Variants in NTM observed in about 807,000 individuals in gnomAD.
NTM encodes the protein IgLON family member 2.
A neutral mutation model predicts 42.1 loss-of-function variants in NTM; 13 were observed. That is an observed-to-expected ratio of 0.31 (90% CI 0.20 to 0.49). The LOEUF is 0.49. Among genes scored for constraint, NTM ranks in the 20% least tolerant of loss-of-function variants. The probability of loss-of-function intolerance (pLI) is 0.99; values close to 1 mark genes in which losing one functional copy is unlikely to be tolerated. For missense variants in NTM, 373 were observed against 452.8 expected, an observed-to-expected ratio of 0.82 and a Z score of 1.60; for synonymous variants, 187 against 179.2, an observed-to-expected ratio of 1.04 and a Z score of -0.35.
At chr11:131,467,459 A>G (rs1431686883) in intron 1 of NTM, among the ~76,000 whole-genome samples, 3 of 152,196 alleles carry the variant, frequency 2.0e-5, no homozygotes, top group Non-Finnish European at 2.9e-5. Flanking sequence ...AAAAAATTCA[A>G]CTGCACTTCA....
chr11:131,371,185 A>T (rs1395062443), intron 1 of NTM: 1 of 752,766 alleles, frequency 1.3e-6, no homozygotes, highest in Admixed American at 6.2e-5. Flanking sequence ...TCTTGCACAC[A>T]TACACAACGG....
intron 2 of NTM, among the ~76,000 whole-genome samples, chr11:131,959,707 G>C (rs986029769): frequency 2.0e-5 from 3 of 152,170 alleles, no homozygotes; most frequent in African/African-American, 7.2e-5. Flanking sequence ...GACTGATCAA[G>C]GTTGGTAGCA....
At chr11:132,016,106 T>C (rs1026835426) in intron 2 of NTM, among the ~76,000 whole-genome samples, 39 of 151,938 alleles carry the variant, frequency 2.6e-4, no homozygotes, top group African/African-American at 9.4e-4. Flanking sequence ...TGAGAGTTTT[T>C]TTTTTTCACG....
In NTM at chr11:131,789,616, GA is replaced by G. The variant is rs552548729; in HGVS notation, c.83-121946del. Reference sequence around the variant, plus strand: ...AGAAGAAGAAGAAGAAGAAGAAGAAGAAGAAGAAGAAGAAGAAGAAAAGAAG... The same window carrying G: ...AGAAGAAGAAGAAGAAGAAGAAGAAGAGAAGAAGAAGAAGAAGAAAAGAAG... On this transcript the variant is annotated intron_variant, in intron 1 of 8. Coordinates refer to ENST00000683400, the MANE Select transcript of NTM (RefSeq NM_001352005.2). 3.6e-4 allele frequency among the ~76,000 whole-genome samples: 30 copies of G among 84,322 alleles called. 3 individuals carry two copies. The highest frequency in any genetic ancestry group is 1.2e-3 in the Admixed American group (9 of 7,590). The allele number at this position is 84,322 out of a possible 152,430, so 55.3% of individuals were successfully genotyped here.
intron 2 of NTM, among the ~76,000 whole-genome samples, chr11:131,914,023 GA>G (rs2055804185): frequency 6.6e-6 from 1 of 152,202 alleles, no homozygotes; most frequent in Non-Finnish European, 1.5e-5. Flanking sequence ...TGATGCGCTA[GA>G]ACAAGGAAGG....
chr11:131,802,872 C>A (rs1012253925), intron 1 of NTM, among the ~76,000 whole-genome samples: 1 of 152,210 alleles, frequency 6.6e-6, no homozygotes, highest in Non-Finnish European at 1.5e-5. Flanking sequence ...TTATGCTGTG[C>A]AACAGCCTTT....
At chr11:132,173,238 C>CCTCTATA (rs1378607636) in intron 3 of NTM, among the ~76,000 whole-genome samples, 1 of 152,082 alleles carries the variant, frequency 6.6e-6, no homozygotes, top group Non-Finnish European at 1.5e-5. Flanking sequence ...CTGGCTATGT[C>CCTCTATA]CTCTATACAC....
intron 4 of NTM, among the ~76,000 whole-genome samples, chr11:132,240,108 T>C (rs1279916676): frequency 6.6e-6 from 1 of 151,788 alleles, no homozygotes; most frequent in Non-Finnish European, 1.5e-5. Flanking sequence ...AACATTTGCT[T>C]AGCATCTGCT....
chr11:132,275,678 C>G (rs1384322362), intron 4 of NTM, among the ~76,000 whole-genome samples: 1 of 88,166 alleles, frequency 1.1e-5, no homozygotes, highest in Admixed American at 1.0e-4. Flanking sequence ...TTATGAAGTA[C>G]AACTTGATGT....
intron 8 of NTM, among the ~76,000 whole-genome samples, chr11:132,331,170 A>C (rs2095795242): frequency 6.6e-6 from 1 of 152,250 alleles, no homozygotes; most frequent in Admixed American, 6.5e-5. Flanking sequence ...AGATAGTTGC[A>C]TTTGAAGACA....
chr11:131,595,415 T>A (rs2059732187), intron 1 of NTM, among the ~76,000 whole-genome samples: 1 of 152,208 alleles, frequency 6.6e-6, no homozygotes, highest in East Asian at 1.9e-4. Context: ...AGCTTATGTG[T>A]CCTCACAAGC....
At chr11:132,133,770 C>T (rs1591727703) in intron 2 of NTM, among the ~76,000 whole-genome samples, 1 of 152,296 alleles carries the variant, frequency 6.6e-6, no homozygotes, top group East Asian at 1.9e-4. Flanking sequence ...TGATGGACTT[C>T]CCTGCCCCCA....
intron 2 of NTM, among the ~76,000 whole-genome samples, chr11:132,045,327 G>A (rs2077831136): frequency 6.6e-6 from 1 of 152,182 alleles, no homozygotes; most frequent in African/African-American, 2.4e-5. Flanking sequence ...GGAGAAGGAA[G>A]AGGTCAGAGG....
At chr11:132,163,838 GTCC>G (rs2074822560) in intron 3 of NTM, among the ~76,000 whole-genome samples, 1 of 152,164 alleles carries the variant, frequency 6.6e-6, no homozygotes, top group Admixed American at 6.5e-5. Flanking sequence ...CAACGTTGAG[GTCC>G]TCCTCAGAAA....
chr11:132,112,337 AG>A (rs2063321421), intron 2 of NTM, among the ~76,000 whole-genome samples: 1 of 152,250 alleles, frequency 6.6e-6, no homozygotes, highest in African/African-American at 2.4e-5. Flanking sequence ...GTTTCACAGA[AG>A]GGTACAGCTC....
chr11:132,052,492 G>T, intron 2 of NTM, among the ~76,000 whole-genome samples: 1 of 152,166 alleles, frequency 6.6e-6, no homozygotes, highest in East Asian at 1.9e-4. Context: ...GCTTATCAGG[G>T]CAAGGAAGAG....
At chr11:132,311,546 C>CCTTA (rs1190080943) in intron 6 of NTM, among the ~76,000 whole-genome samples, 11 of 152,104 alleles carry the variant, frequency 7.2e-5, no homozygotes, top group Admixed American at 2.0e-4. Context: ...AATATGGTTT[C>CCTTA]CTTACTTAGA....
At chr11:131,809,680 AT>A (rs1417640849) in intron 1 of NTM, among the ~76,000 whole-genome samples, 1 of 151,970 alleles carries the variant, frequency 6.6e-6, no homozygotes, top group Non-Finnish European at 1.5e-5. Flanking sequence ...ACTCTTCCTG[AT>A]TTTGATCTGA....
At chr11:132,052,548 AAG>A (rs1434062410) in intron 2 of NTM, among the ~76,000 whole-genome samples, 1 of 152,228 alleles carries the variant, frequency 6.6e-6, no homozygotes, top group East Asian at 1.9e-4. Context: ...TTCATTCCAG[AAG>A]AGTGATAGAT....
Sources: gnomAD v4.1 joint callset for allele counts (sites outside exome capture counted in the v4.1 genomes callset) on GRCh38, gnomAD v4.1.1 for gene constraint, MANE v1.5 for transcripts, NCBI Gene and HGNC (gene_info 2026-07-23, HGNC 2026-07-21) for gene names.